SYT1: variants seen among roughly 807,000 people sequenced by gnomAD.
SYT1 encodes synaptotagmin 1.
Under a neutral mutation model 44.8 loss-of-function variants are expected in SYT1, and 8 were observed. That is an observed-to-expected ratio of 0.18 (90% CI 0.10 to 0.32). SYT1 has a LOEUF of 0.32. Among genes scored for constraint, SYT1 ranks in the 10% least tolerant of loss-of-function variants. The pLI is 1.00. For missense variants in SYT1, 286 were observed against 509.3 expected, an observed-to-expected ratio of 0.56 and a Z score of 4.22; for synonymous variants, 154 against 188.8, an observed-to-expected ratio of 0.82 and a Z score of 1.51.
At chr12:79,123,708 A>G (rs1868323445) in intron 3 of SYT1, among the ~76,000 whole-genome samples, 3 of 152,208 alleles carry the variant, frequency 2.0e-5, no homozygotes, top group African/African-American at 7.2e-5. Flanking sequence ...AGGTGTCTAA[A>G]GGTTCTGTTT....
At position 79,289,890 on chromosome 12, in the gene SYT1, GTT is replaced by G. The variant is rs5799424; in HGVS notation, c.352-2102_352-2101del. On this transcript the variant is annotated intron_variant, in intron 5 of 10. Transcript: ENST00000261205. ...TGAAGTTCTCTAATTAAACTCAGTAGTTTTTTTTTTTTTTTTTGTCACTTTAC... is the reference window on the plus strand; with the variant it reads ...TGAAGTTCTCTAATTAAACTCAGTAGTTTTTTTTTTTTTTTGTCACTTTAC... Among the ~76,000 whole-genome samples, 342 of 135,172 alleles carry G rather than the reference GTT, an allele frequency of 2.5e-3. 3 individuals carry two copies. Among genetic ancestry groups the G allele is most frequent in the Admixed American group, 4.2e-3 (57 of 13,434 alleles). 88.7% of individuals were successfully genotyped at this position (135,172 alleles called of 152,430 possible).
intron 9 of SYT1, among the ~76,000 whole-genome samples, chr12:79,410,807 G>A (rs781238227): frequency 5.9e-5 from 9 of 152,050 alleles, no homozygotes; most frequent in Non-Finnish European, 1.3e-4. Context: ...TGTATTTGTA[G>A]GCTTATTGGG....
chr12:79,395,418 C>G (rs1009489125), intron 9 of SYT1, among the ~76,000 whole-genome samples: 2 of 152,108 alleles, frequency 1.3e-5, no homozygotes, highest in Non-Finnish European at 2.9e-5. Flanking sequence ...GAGGTTTCAC[C>G]ATGTTGACCA....
intron 9 of SYT1, among the ~76,000 whole-genome samples, chr12:79,439,614 A>G (rs1311983429): frequency 5.3e-5 from 8 of 152,186 alleles, no homozygotes; most frequent in Non-Finnish European, 1.2e-4. Context: ...ATAAAACCAT[A>G]GTAATAATTA....
At chr12:78,971,852 G>T (rs1214576524) in intron 1 of SYT1, among the ~76,000 whole-genome samples, 1 of 152,020 alleles carries the variant, frequency 6.6e-6, no homozygotes, top group Non-Finnish European at 1.5e-5. Context: ...TGAGACTTTG[G>T]GCAAGTAAAT....
intron 4 of SYT1, among the ~76,000 whole-genome samples, chr12:79,240,817 G>A (rs1198020967): frequency 1.3e-5 from 2 of 152,138 alleles, no homozygotes; most frequent in Non-Finnish European, 2.9e-5. Context: ...ATATTGCAAG[G>A]TGTTGATATT....
intron 3 of SYT1, among the ~76,000 whole-genome samples, chr12:79,094,628 G>A (rs1332718234): frequency 6.6e-6 from 1 of 151,754 alleles, no homozygotes; most frequent in African/African-American, 2.4e-5. Flanking sequence ...GTTTACAATG[G>A]TCAAAACCCT....
At chr12:79,317,349 T>G (rs1440263720) in intron 8 of SYT1, among the ~76,000 whole-genome samples, 1 of 152,248 alleles carries the variant, frequency 6.6e-6, no homozygotes, top group East Asian at 1.9e-4. Context: ...GCTGTCACCC[T>G]GCCAACCATA....
chr12:79,129,829 A>G (rs926309931), intron 3 of SYT1, among the ~76,000 whole-genome samples: 7 of 152,220 alleles, frequency 4.6e-5, no homozygotes, highest in African/African-American at 1.7e-4. Context: ...AATGTATAAA[A>G]TTCCATTTAA....
At chr12:79,352,552 T>A (rs915652726) in intron 8 of SYT1, among the ~76,000 whole-genome samples, 1 of 152,128 alleles carries the variant, frequency 6.6e-6, no homozygotes, top group Non-Finnish European at 1.5e-5. Context: ...CAACAAACTC[T>A]CTCTCTTGCA....
intron 3 of SYT1, among the ~76,000 whole-genome samples, chr12:79,181,909 C>A (rs539198280): frequency 6.6e-6 from 1 of 152,152 alleles, no homozygotes; most frequent in East Asian, 1.9e-4. Flanking sequence ...TAGACAACCC[C>A]ACCCCTACCT....
chr12:79,243,563 C>T (rs1435946966), intron 4 of SYT1, among the ~76,000 whole-genome samples: 3 of 152,088 alleles, frequency 2.0e-5, no homozygotes, highest in Admixed American at 6.5e-5. Context: ...TTCCCTGCTT[C>T]GAAATTCAAG....
chr12:79,342,164 AT>A (rs1312606478), intron 8 of SYT1, among the ~76,000 whole-genome samples: 1 of 152,220 alleles, frequency 6.6e-6, no homozygotes, highest in Non-Finnish European at 1.5e-5. Flanking sequence ...CTAAATGATC[AT>A]AAGAATTTGG....
intron 9 of SYT1, among the ~76,000 whole-genome samples, chr12:79,396,220 G>A (rs932367342): frequency 2.6e-5 from 4 of 152,054 alleles, no homozygotes; most frequent in Admixed American, 6.6e-5. Flanking sequence ...TTTCATCTGG[G>A]ACCACCCTCA....
At chr12:79,249,305 C>T (rs1033520619) in intron 4 of SYT1, among the ~76,000 whole-genome samples, 30 of 151,306 alleles carry the variant, frequency 2.0e-4, no homozygotes, top group African/African-American at 5.8e-4. Context: ...GGGGTTTCAC[C>T]TTGTTAGCCA....
At chr12:78,902,603 A>AT (rs1875726289) in intron 1 of SYT1, among the ~76,000 whole-genome samples, 1 of 152,090 alleles carries the variant, frequency 6.6e-6, no homozygotes, top group Non-Finnish European at 1.5e-5. Flanking sequence ...GTATTATTAT[A>AT]TTTTTTCCAG....
intron 3 of SYT1, among the ~76,000 whole-genome samples, chr12:79,095,045 A>G (rs1233180801): frequency 6.6e-6 from 1 of 151,956 alleles, no homozygotes; most frequent in East Asian, 1.9e-4. Context: ...CCACCCATAC[A>G]TGAGGGCCTA....
At chr12:79,212,091 G>A (rs1339971970) in intron 3 of SYT1, among the ~76,000 whole-genome samples, 1 of 152,106 alleles carries the variant, frequency 6.6e-6, no homozygotes, top group Non-Finnish European at 1.5e-5. Flanking sequence ...ATTTACAATA[G>A]CAAAGGCTTG....
chr12:79,072,336 G>A (rs1435330765), intron 3 of SYT1, among the ~76,000 whole-genome samples: 2 of 151,648 alleles, frequency 1.3e-5, no homozygotes, highest in Non-Finnish European at 3.0e-5. Context: ...GAGATGAGGA[G>A]GAGTATTAAA....
Sources: gnomAD v4.1 joint callset for allele counts (sites outside exome capture counted in the v4.1 genomes callset) on GRCh38, gnomAD v4.1.1 for gene constraint, MANE v1.5 for transcripts, NCBI Gene and HGNC (gene_info 2026-07-23, HGNC 2026-07-21) for gene names.